Variants in RAB44 observed in about 807,000 individuals in gnomAD.
RAB44 encodes the protein RAB44, member RAS oncogene family.
Under a neutral mutation model 93.3 loss-of-function variants are expected in RAB44, and 67 were observed. The observed-to-expected ratio is 0.72, with a 90% confidence interval of 0.59 to 0.88. The LOEUF is 0.88. RAB44 is among the 40% of genes least tolerant of loss of function. The pLI is 0.00. For synonymous variants in RAB44, 427 were observed against 520.3 expected (o/e 0.82, Z 2.44); for missense variants, 1,064 against 1,261.7 (o/e 0.84, Z 2.37).
chr6:36,718,750 T>C (rs893074886), intron 7 of RAB44, among the ~76,000 whole-genome samples, 162 bp downstream of exon 7: 4 of 152,168 alleles, frequency 2.6e-5, no homozygotes, highest in East Asian at 1.9e-4. Flanking sequence ...GCCTGGCACG[T>C]AGTAGGTGCT....
At chr6:36,718,195 T>C in intron 6 of RAB44, 77 bp downstream of exon 6, 2 of 996,726 alleles carry the variant, frequency 2.0e-6, no homozygotes, top group East Asian at 3.3e-5. Context: ...GGCCAGTGAC[T>C]GGCCAGGGTG....
chr6:36,698,307 G>A (rs1054760766), intron 1 of RAB44, among the ~76,000 whole-genome samples: 1 of 152,230 alleles, frequency 6.6e-6, no homozygotes, highest in Non-Finnish European at 1.5e-5. Flanking sequence ...AGCCAGCCAA[G>A]TGGAGAGCAG....
chr6:36,727,457 C>A, intron 10 of RAB44, 120 bp from the exon 11 acceptor site: 2 of 658,620 alleles, frequency 3.0e-6, no homozygotes, highest in Non-Finnish European at 2.8e-6. Context: ...CGAAGAAAAG[C>A]ATACGGACAT....
chr6:36,727,446 A>G (rs12201069), intron 10 of RAB44, 131 bp from the exon 11 acceptor site: 82,415 of 639,364 alleles, frequency 0.13, 6,269 homozygotes, highest in South Asian at 0.23. Flanking sequence ...ACTACACTGT[A>G]CGAAGAAAAG....
rs1762584931 is a variant in RAB44, at chr6:36,704,279, G to A, written c.44G>A (p.Gly15Asp). 2 of 1,536,176 alleles carry A rather than the reference G, an allele frequency of 1.3e-6. No homozygotes were observed. Among genetic ancestry groups the A allele is most frequent in the East Asian group, 2.4e-5 (1 of 40,928 alleles). The change falls in exon 2 of 14, where the codon GGC (glycine) becomes GAC (aspartate). Residue 15 changes from glycine (G) to aspartate (D), a missense_variant. Gly to Asp is a moderately conservative substitution (Grantham distance 94, BLOSUM62 -1). Coordinates refer to ENST00000612677, the MANE Select transcript of RAB44 (RefSeq NM_001257357.2). ...QRTSRKVRKL[G>D]SNRRRQTREP... ...ACATCTCGAAAAGTCCGGAAGCTGGGCTCCAACCGGCGGCGGCAGACAAGA... is the reference window on the plus strand; with the variant it reads ...ACATCTCGAAAAGTCCGGAAGCTGGACTCCAACCGGCGGCGGCAGACAAGA...
intron 4 of RAB44, 77 bp downstream of exon 4, chr6:36,715,730 G>C: frequency 8.3e-6 from 12 of 1,439,530 alleles, no homozygotes; most frequent in Non-Finnish European, 1.0e-5. Flanking sequence ...GACACAGCAG[G>C]GGTCAAGGGG....
chr6:36,731,950 G>T lies in RAB44; in HGVS notation c.2976-53G>T. The T allele has an allele frequency of 8.5e-7, 1 of 1,180,030 alleles. No homozygotes were observed. Among genetic ancestry groups the T allele is most frequent in the Non-Finnish European group, 1.1e-6 (1 of 940,698 alleles). 73.1% of individuals were successfully genotyped at this position (1,180,030 alleles called of 1,614,324 possible). On this transcript the variant is annotated intron_variant, in intron 13 of 13. Coordinates refer to ENST00000612677, the MANE Select transcript of RAB44 (RefSeq NM_001257357.2). The surrounding 1 kb of genome is among the most constrained non-coding windows in gnomAD (Gnocchi z 4.0). ...CCCAGCTGCACCCATGGGCCCATCC[G>T]TGCTGCCCGTAGGAGGTGAGAGAGA...
At chr6:36,711,613 TA>T (rs1762788692) in intron 2 of RAB44, among the ~76,000 whole-genome samples, 1 of 152,176 alleles carries the variant, frequency 6.6e-6, no homozygotes, top group African/African-American at 2.4e-5. Context: ...CTGTTATTTT[TA>T]GGAGAATTAG....
At chr6:36,701,539 G>A (rs935439680) in intron 1 of RAB44, among the ~76,000 whole-genome samples, 1 of 152,158 alleles carries the variant, frequency 6.6e-6, no homozygotes, top group Non-Finnish European at 1.5e-5. Flanking sequence ...GAGGGCATCA[G>A]GGTTAAGTAT....
rs148543033 is a variant in RAB44 at position 36,701,069 on chromosome 6, T to G, written c.-13+3154T>G. ...CTTCCCTATTCTAACCCGTAGAATC[T>G]TATTCCTCATTCTTGGCTTTTTTGC... On this transcript the variant is annotated intron_variant, in intron 1 of 13. Transcript: ENST00000612677. Among the ~76,000 whole-genome samples, 528 of 152,322 alleles carry G rather than the reference T, an allele frequency of 3.5e-3. 2 individuals are homozygous for G. The highest frequency in any genetic ancestry group is 0.012 in the African/African-American group (493 of 41,572).
chr6:36,719,045 G>A (rs914413051), intron 7 of RAB44, among the ~76,000 whole-genome samples: 2 of 152,018 alleles, frequency 1.3e-5, no homozygotes, highest in African/African-American at 4.8e-5. Flanking sequence ...TCAGCCTCCC[G>A]AGTAGCTGGG....
intron 9 of RAB44, among the ~76,000 whole-genome samples, chr6:36,725,423 C>A (rs551275257): frequency 2.7e-4 from 41 of 152,354 alleles, no homozygotes; most frequent in South Asian, 1.0e-3. Context: ...GAGAGGCTCA[C>A]AGAGGTGAAG....
intron 3 of RAB44, among the ~76,000 whole-genome samples, chr6:36,715,044 G>C (rs962552189): frequency 2.0e-5 from 3 of 151,726 alleles, no homozygotes; most frequent in African/African-American, 4.9e-5. Flanking sequence ...GATCCTCCCA[G>C]TCTCTCAGTG....
At chr6:36,726,504 A>G (rs1258367538) in intron 10 of RAB44, among the ~76,000 whole-genome samples, 2 of 152,154 alleles carry the variant, frequency 1.3e-5, no homozygotes, top group African/African-American at 4.8e-5. Flanking sequence ...CGGCCTCCCA[A>G]AGTGCTGGGA....
intron 2 of RAB44, among the ~76,000 whole-genome samples, chr6:36,705,901 AT>A (rs202201461): frequency 0.037 from 5,303 of 143,522 alleles, 194 homozygotes; most frequent in East Asian, 0.091. Context: ...TTTATGTTGG[AT>A]TTTTTTTTTT....
intron 2 of RAB44, among the ~76,000 whole-genome samples, chr6:36,705,880 T>C (rs1036972324): frequency 6.6e-6 from 1 of 151,448 alleles, no homozygotes; most frequent in East Asian, 1.9e-4. Context: ...ATCTTATGTA[T>C]GAAATTTGGA....
At chr6:36,709,005 C>T (rs1279286700) in intron 2 of RAB44, among the ~76,000 whole-genome samples, 4 of 151,956 alleles carry the variant, frequency 2.6e-5, no homozygotes, top group East Asian at 3.9e-4. Flanking sequence ...AGTGCAATGG[C>T]GTGATCTTGG....
chr6:36,717,526 C>A lies in RAB44; in HGVS notation c.641+107C>A. ...CTCCTCCTGCAGCTGGGCCTGTGAG[C>A]TGGATAGGGCAGAGCTGCGCTGGAG... is the stretch of plus-strand genomic sequence containing the variant. On this transcript the variant is annotated intron_variant, in intron 5 of 13. Coordinates refer to ENST00000612677, the MANE Select transcript of RAB44 (RefSeq NM_001257357.2). This position sits in a 1 kb window ranked among gnomAD's most constrained non-coding sequence, Gnocchi z 4.1. 1.7e-6 allele frequency: 2 copies of A among 1,165,324 alleles called. No homozygotes were observed. Among genetic ancestry groups the A allele is most frequent in the Non-Finnish European group, 1.1e-6 (1 of 928,458 alleles). The allele number at this position is 1,165,324 out of a possible 1,614,324, so 72.2% of individuals were successfully genotyped here. A position where few individuals can be genotyped will look rare whatever the true frequency, so the allele number is the denominator to read the frequency against.
chr6:36,723,578 G>A (rs2150339179), intron 9 of RAB44, among the ~76,000 whole-genome samples: 1 of 152,166 alleles, frequency 6.6e-6, no homozygotes, highest in South Asian at 2.1e-4. Flanking sequence ...GCTCACACCT[G>A]TAATCCCAAC....
Sources: allele counts gnomAD v4.1 joint callset (sites outside exome capture counted in the v4.1 genomes callset), GRCh38; gene constraint gnomAD v4.1.1; non-coding constraint Gnocchi (gnomAD v3.1); transcripts MANE v1.5; gene names NCBI Gene and HGNC (gene_info 2026-07-23, HGNC 2026-07-21).